The following ANO3 variants were observed in gnomAD, a reference collection of about 807,000 sequenced individuals.
ANO3 encodes anoctamin 3, also known as anoctamin-3.
Under a neutral mutation model 144.8 loss-of-function variants are expected in ANO3, and 99 were observed. The ratio of observed to expected loss-of-function variants is 0.68; its 90% CI spans 0.58 to 0.81. The LOEUF is 0.81. Ranked by LOEUF, ANO3 falls within the 30% of genes least tolerant of loss-of-function variation. ANO3 has a pLI of 0.00. For missense variants in ANO3, 905 were observed against 1,202.2 expected (o/e 0.75, Z 3.66); for synonymous variants, 414 against 392.6 (o/e 1.05, Z -0.64).
chr11:26,274,514 T>A (rs188897468), intron 1 of ANO3, among the ~76,000 whole-genome samples: 340 of 152,236 alleles, frequency 2.2e-3, no homozygotes, highest in African/African-American at 8.1e-3. Flanking sequence ...CCATTGGAAC[T>A]TTAGAGTCAT....
In ANO3 at chr11:26,629,878, G is replaced by A. The variant is rs372188623; in HGVS notation, c.1874-4326G>A. Among the ~76,000 whole-genome samples, 50 of 152,196 alleles carry A rather than the reference G, an allele frequency of 3.3e-4. 1 individual carries two copies. Among genetic ancestry groups the A allele is most frequent in the East Asian group, 1.2e-3 (6 of 5,160 alleles). On this transcript the variant is annotated intron_variant, in intron 18 of 26. Coordinates refer to ENST00000256737, the MANE Select transcript of ANO3 (RefSeq NM_031418.4). ...ACTGCCGACCTCAGGTGATCTGCCC[G>A]CCTTGGCCTCTCAAAGTGCTAGTAC...
intron 1 of ANO3, among the ~76,000 whole-genome samples, chr11:26,339,961 C>T (rs1855310656): frequency 6.6e-6 from 1 of 152,184 alleles, no homozygotes; most frequent in African/African-American, 2.4e-5. Context: ...TTCACCAAAG[C>T]ATGAATCTCC....
rs181486633 is a variant in ANO3 at position 26,460,160 on chromosome 11, A to G, written c.314-2870A>G. The G allele has an allele frequency of 4.4e-3, 1,796 of 411,202 alleles. 15 individuals are homozygous for G. The highest frequency in any genetic ancestry group is 0.024 in the African/African-American group (1,136 of 47,982). The allele number at this position is 411,202 out of a possible 1,614,324, so 25.5% of individuals were successfully genotyped here. A position where few individuals can be genotyped will look rare whatever the true frequency, so the allele number is the denominator to read the frequency against. ...AGGACAGTGATTTAAAACTATCTGC[A>G]TACTCTAATATTATTTGTTTTCTTA... On this transcript the variant is annotated intron_variant, in intron 3 of 26. Coordinates refer to ENST00000256737, the MANE Select transcript of ANO3 (RefSeq NM_031418.4).
intron 1 of ANO3, among the ~76,000 whole-genome samples, chr11:26,413,277 C>T (rs934418285): frequency 3.3e-5 from 5 of 151,912 alleles, no homozygotes; most frequent in Non-Finnish European, 5.9e-5. Context: ...GAATGCTTTT[C>T]ATATAGGTGC....
At chr11:26,461,434 C>T (rs1032033305) in intron 3 of ANO3, among the ~76,000 whole-genome samples, 1 of 151,988 alleles carries the variant, frequency 6.6e-6, no homozygotes, top group Non-Finnish European at 1.5e-5. Context: ...ATGACACCCC[C>T]CACTCCTTTC....
chr11:26,219,105 T>C (rs1028809154), intron 1 of ANO3, among the ~76,000 whole-genome samples: 3 of 152,202 alleles, frequency 2.0e-5, no homozygotes, highest in African/African-American at 7.2e-5. Context: ...ATGCCCTAGA[T>C]GCTAGTAGCT....
chr11:26,349,438 A>G (rs1855578575), intron 1 of ANO3, among the ~76,000 whole-genome samples: 1 of 152,222 alleles, frequency 6.6e-6, no homozygotes, highest in Non-Finnish European at 1.5e-5. Context: ...ATTATTATCA[A>G]TATCAGCATT....
At chr11:26,220,999 A>C (rs1852132120) in intron 1 of ANO3, among the ~76,000 whole-genome samples, 1 of 152,338 alleles carries the variant, frequency 6.6e-6, no homozygotes, top group Admixed American at 6.5e-5. Context: ...TCAAGAGTAT[A>C]GATCCATTGG....
At chr11:26,290,876 T>C (rs1049018457) in intron 1 of ANO3, among the ~76,000 whole-genome samples, 2 of 152,220 alleles carry the variant, frequency 1.3e-5, no homozygotes, top group Non-Finnish European at 2.9e-5. Flanking sequence ...CTGAGAAGAA[T>C]GCATATTCTG....
chr11:26,439,798 A>G (rs1483209972), intron 1 of ANO3, among the ~76,000 whole-genome samples: 1 of 152,222 alleles, frequency 6.6e-6, no homozygotes, highest in Non-Finnish European at 1.5e-5. Context: ...ATAGACAAAG[A>G]CCAATAAACT....
intron 1 of ANO3, among the ~76,000 whole-genome samples, chr11:26,230,769 C>T (rs1852374198): frequency 8.2e-6 from 1 of 122,314 alleles, no homozygotes. Flanking sequence ...TGCACTCCAG[C>T]CTGGGTGACA....
intron 1 of ANO3, among the ~76,000 whole-genome samples, chr11:26,373,769 T>A (rs1369523614): frequency 6.6e-6 from 1 of 152,194 alleles, no homozygotes; most frequent in Non-Finnish European, 1.5e-5. Context: ...AGTAAGTTTT[T>A]AAATATAAAT....
intron 8 of ANO3, among the ~76,000 whole-genome samples, chr11:26,533,098 A>T (rs1237613311): frequency 3.9e-5 from 6 of 152,196 alleles, no homozygotes; most frequent in Non-Finnish European, 7.3e-5. Flanking sequence ...AGGAATTCAG[A>T]GTCTAACAAA....
intron 23 of ANO3, among the ~76,000 whole-genome samples, chr11:26,646,128 T>G (rs1254828084): frequency 2.0e-5 from 3 of 152,158 alleles, no homozygotes; most frequent in African/African-American, 7.2e-5. Context: ...TTTTTCTTGC[T>G]CATAGAAATA....
At chr11:26,275,087 C>A (rs1393448707) in intron 1 of ANO3, among the ~76,000 whole-genome samples, 2 of 151,778 alleles carry the variant, frequency 1.3e-5, no homozygotes, top group East Asian at 3.9e-4. Flanking sequence ...TCTGTAAATT[C>A]TTTGATTTTA....
chr11:26,464,674 A>T (rs1248216243), intron 4 of ANO3, among the ~76,000 whole-genome samples: 1 of 151,766 alleles, frequency 6.6e-6, no homozygotes, highest in Admixed American at 6.6e-5. Context: ...AACATTAATG[A>T]TAAGAGAATG....
chr11:26,418,081 A>G (rs896556962), intron 1 of ANO3, among the ~76,000 whole-genome samples: 9 of 152,120 alleles, frequency 5.9e-5, no homozygotes, highest in African/African-American at 1.4e-4. Context: ...ATATCAAACT[A>G]TGTTCAAAAA....
chr11:26,551,563 G>A (rs375823141), intron 12 of ANO3, among the ~76,000 whole-genome samples: 43 of 151,864 alleles, frequency 2.8e-4, no homozygotes, highest in African/African-American at 9.9e-4. Context: ...TTCTAGACTT[G>A]GTGCTTCAAT....
intron 4 of ANO3, among the ~76,000 whole-genome samples, chr11:26,492,798 T>C (rs1223466701): frequency 2.0e-5 from 3 of 152,180 alleles, no homozygotes; most frequent in Non-Finnish European, 4.4e-5. Context: ...TGTGGAAATA[T>C]TTGTCCTACT....
Sources: allele counts gnomAD v4.1 joint callset (sites outside exome capture counted in the v4.1 genomes callset), GRCh38; gene constraint gnomAD v4.1.1; transcripts MANE v1.5; gene names NCBI Gene and HGNC (gene_info 2026-07-23, HGNC 2026-07-21).